Variants in SLC47A2 observed in about 807,000 individuals in gnomAD.
SLC47A2 encodes multidrug and toxin extrusion protein 2.
SLC47A2 carries 52 observed loss-of-function variants against 67.7 expected under a neutral mutation model. That is an observed-to-expected ratio of 0.77 (90% CI 0.61 to 0.97). The LOEUF is 0.97. Among genes scored for constraint, SLC47A2 ranks in the 50% least tolerant of loss-of-function variants. The pLI, the probability that SLC47A2 is intolerant of heterozygous loss-of-function variation, is 0.00. For synonymous variants in SLC47A2, 278 were observed against 292.9 expected (o/e 0.95, Z 0.52); for missense variants, 676 against 712.3 (o/e 0.95, Z 0.58).
intron 13 of SLC47A2, among the ~76,000 whole-genome samples, chr17:19,684,785 G>A (rs1323718800): frequency 1.3e-5 from 2 of 151,740 alleles, no homozygotes; most frequent in African/African-American, 4.8e-5. Flanking sequence ...ACTAAAACAT[G>A]CATCTATTAA....
chr17:19,678,350 G>T lies in SLC47A2; in HGVS notation c.*336C>A, dbSNP rs2085234088. 2 of 269,844 alleles carry T rather than the reference G, an allele frequency of 7.4e-6. No homozygotes were observed. The highest frequency in any genetic ancestry group is 1.4e-5 in the Non-Finnish European group (2 of 139,360). The allele number at this position is 269,844 out of a possible 1,614,324, so 16.7% of individuals were successfully genotyped here. ...ATGTGTAATCTTTAATATAACAGTGGTTTTTGTGATTTTATCTGCAGTGTC... is the reference window on the plus strand; with the variant it reads ...ATGTGTAATCTTTAATATAACAGTGTTTTTTGTGATTTTATCTGCAGTGTC... On this transcript the variant is annotated 3_prime_UTR_variant, in exon 17 of 17. Coordinates refer to ENST00000433844, the MANE Select transcript of SLC47A2 (RefSeq NM_001099646.3).
intron 9 of SLC47A2, among the ~76,000 whole-genome samples, chr17:19,706,047 T>G (rs905724932): frequency 6.6e-6 from 1 of 152,178 alleles, no homozygotes; most frequent in African/African-American, 2.4e-5. Flanking sequence ...AGGGTGGCAG[T>G]GTGAGGGAGG....
At chr17:19,708,599 C>T (rs1567633249) in intron 6 of SLC47A2, 117 bp downstream of exon 6, 1 of 1,592,466 alleles carries the variant, frequency 6.3e-7, no homozygotes. Context: ...GGAAGTGACC[C>T]CTTTCAAGAG....
intron 6 of SLC47A2, 70 bp from the exon 7 acceptor site, chr17:19,708,469 TTGGAA>T: frequency 1.9e-6 from 3 of 1,614,138 alleles, no homozygotes; most frequent in Non-Finnish European, 2.5e-6. Flanking sequence ...AACCCGGGGT[TTGGAA>T]TGGGGACTCC....
At chr17:19,714,579 G>A in intron 3 of SLC47A2, 142 bp downstream of exon 3, 1 of 889,804 alleles carries the variant, frequency 1.1e-6, no homozygotes, top group South Asian at 1.4e-5. Flanking sequence ...GGTCCTTGGA[G>A]GTAGGGCAGG....
intron 13 of SLC47A2, among the ~76,000 whole-genome samples, chr17:19,693,285 C>T (rs969555764): frequency 3.3e-5 from 5 of 151,964 alleles, no homozygotes; most frequent in South Asian, 2.1e-4. Flanking sequence ...AAAAGCATTC[C>T]GCAAAATCTA....
intron 13 of SLC47A2, among the ~76,000 whole-genome samples, chr17:19,697,638 A>T (rs2085693438): frequency 1.3e-5 from 2 of 152,056 alleles, no homozygotes; most frequent in Non-Finnish European, 2.9e-5. Flanking sequence ...CCCAGCCCAG[A>T]GTGCAGTGAT....
upstream of SLC47A2, chr17:19,716,613 C>T: frequency 6.6e-7 from 1 of 1,504,168 alleles, no homozygotes; most frequent in Non-Finnish European, 8.9e-7. Context: ...CCAGCTTTGT[C>T]CAGCGAGCCA....
At chr17:19,687,509 G>A (rs535004049) in intron 13 of SLC47A2, among the ~76,000 whole-genome samples, 2 of 151,674 alleles carry the variant, frequency 1.3e-5, no homozygotes, top group South Asian at 4.2e-4. Flanking sequence ...GGTCAGAGCA[G>A]AAATAAGTTA....
At chr17:19,693,623 TA>T (rs2152344308) in intron 13 of SLC47A2, among the ~76,000 whole-genome samples, 2 of 149,188 alleles carry the variant, frequency 1.3e-5, no homozygotes, top group South Asian at 4.3e-4. Context: ...ATAATAATAA[TA>T]ATAATAATAA....
At chr17:19,682,207 AC>A (rs749186326) in intron 13 of SLC47A2, among the ~76,000 whole-genome samples, 1 of 152,076 alleles carries the variant, frequency 6.6e-6, no homozygotes, top group Non-Finnish European at 1.5e-5. Context: ...CTCTAAAAAT[AC>A]AAAAATTAGC....
chr17:19,702,112 A>G (rs1846601659), intron 13 of SLC47A2: 3 of 982,172 alleles, frequency 3.1e-6, no homozygotes, highest in Admixed American at 6.2e-5. Flanking sequence ...CTGTCTCAAA[A>G]AAAAAAAAAA....
chr17:19,702,063 C>A, intron 13 of SLC47A2: 2 of 915,582 alleles, frequency 2.2e-6, no homozygotes, highest in Non-Finnish European at 2.6e-6. Context: ...GAGCCATGAT[C>A]GCACTGCTGC....
rs1555537233 is a variant in SLC47A2 at position 19,682,366 on chromosome 17, A to ACACACACACACAC, written c.1165-697_1165-696insGTGTGTGTGTGTG. 1.9e-4 allele frequency among the ~76,000 whole-genome samples: 18 copies of ACACACACACACAC among 96,158 alleles called. No homozygotes were observed. In the East Asian group the frequency reaches 6.3e-3, roughly 33 times the overall value. The allele number at this position is 96,158 out of a possible 152,430, so 63.1% of individuals were successfully genotyped here. On this transcript the variant is annotated intron_variant, in intron 13 of 16. Coordinates refer to ENST00000433844, the MANE Select transcript of SLC47A2 (RefSeq NM_001099646.3). ...ACACACACACACACACACACACACA[A>ACACACACACACAC]ATTTATTATTTTATTTTACAGTTCT... is the stretch of plus-strand genomic sequence containing the variant.
intron 13 of SLC47A2, among the ~76,000 whole-genome samples, chr17:19,693,797 C>A (rs1050438441): frequency 2.0e-5 from 3 of 151,904 alleles, no homozygotes; most frequent in African/African-American, 7.3e-5. Flanking sequence ...GACTCCGTCT[C>A]AGAACAAAAC....
chr17:19,682,363 A>ACC (rs1555537227), intron 13 of SLC47A2, among the ~76,000 whole-genome samples: 5 of 151,136 alleles, frequency 3.3e-5, no homozygotes, highest in African/African-American at 1.2e-4. Flanking sequence ...ACACACACAC[A>ACC]CAAATTTATT....
chr17:19,711,588 C>CAAAAAAAAAAAAAAAAAAAAAA (rs35308426), intron 5 of SLC47A2, among the ~76,000 whole-genome samples: 8 of 33,006 alleles, frequency 2.4e-4, no homozygotes, highest in South Asian at 2.3e-3. Context: ...AACTCCGTCT[C>CAAAAAAAAAAAAAAAAAAAAAA]AAAAAAAAAA....
intron 10 of SLC47A2, chr17:19,704,582 G>T: frequency 1.4e-6 from 2 of 1,384,868 alleles, no homozygotes; most frequent in South Asian, 2.9e-5. Flanking sequence ...TCTCTAAATT[G>T]ATTTTGTAAT....
intron 13 of SLC47A2, among the ~76,000 whole-genome samples, chr17:19,683,746 G>A (rs2085363020): frequency 6.6e-6 from 1 of 152,184 alleles, no homozygotes; most frequent in South Asian, 2.1e-4. Flanking sequence ...CCCACACATG[G>A]ATCTGTCAGC....
Sources: gnomAD v4.1 joint callset for allele counts (sites outside exome capture counted in the v4.1 genomes callset) on GRCh38, gnomAD v4.1.1 for gene constraint, MANE v1.5 for transcripts, NCBI Gene and HGNC (gene_info 2026-07-23, HGNC 2026-07-21) for gene names.